SH3D19: variants seen among roughly 807,000 people sequenced by gnomAD.
SH3D19 encodes SH3 domain containing 19.
SH3D19 carries 58 observed loss-of-function variants against 112.1 expected under a neutral mutation model. The observed-to-expected ratio is 0.52, with a 90% CI of 0.42 to 0.64. The LOEUF (loss-of-function observed/expected upper bound fraction) is 0.64, where lower values mean the gene tolerates loss of function less well. SH3D19 is among the 30% of genes least tolerant of loss of function. The pLI is 0.00. For missense variants in SH3D19, 1,090 were observed against 1,263.4 expected (o/e 0.86, Z 2.08); for synonymous variants, 391 against 448.5 (o/e 0.87, Z 1.62).
intron 1 of SH3D19, among the ~76,000 whole-genome samples, chr4:151,316,859 T>C (rs533407981): frequency 2.8e-4 from 42 of 152,318 alleles, no homozygotes; most frequent in African/African-American, 9.4e-4. Flanking sequence ...CTTCCTGCCC[T>C]GTGTCAAGCT....
chr4:151,147,521 G>A (rs1006472365), intron 11 of SH3D19, among the ~76,000 whole-genome samples: 2 of 152,188 alleles, frequency 1.3e-5, no homozygotes, highest in African/African-American at 4.8e-5. Flanking sequence ...GAGTGCAGTG[G>A]TGCAATCTTG....
At chr4:151,169,304 C>A (rs1289557366) in intron 7 of SH3D19, among the ~76,000 whole-genome samples, 1 of 152,048 alleles carries the variant, frequency 6.6e-6, no homozygotes, top group Non-Finnish European at 1.5e-5. Context: ...AAAAAAAATT[C>A]TTTCTCCATG....
chr4:151,285,840 C>T (rs983476241), intron 1 of SH3D19, among the ~76,000 whole-genome samples: 4 of 151,744 alleles, frequency 2.6e-5, no homozygotes, highest in Admixed American at 6.6e-5. Flanking sequence ...GCACTCCAGC[C>T]AGGACAACAG....
chr4:151,129,828 A>G (rs570796885), intron 17 of SH3D19, among the ~76,000 whole-genome samples: 1 of 152,374 alleles, frequency 6.6e-6, no homozygotes, highest in Admixed American at 6.5e-5. Context: ...TCTAACATTT[A>G]GCCCAGTGCC....
At chr4:151,153,608 A>G (rs6844546) in intron 9 of SH3D19, among the ~76,000 whole-genome samples, 2 of 150,958 alleles carry the variant, frequency 1.3e-5, no homozygotes, top group African/African-American at 4.9e-5. Context: ...AATTTTTTTT[A>G]AAAAAAAAGG....
intron 2 of SH3D19, among the ~76,000 whole-genome samples, chr4:151,202,016 A>G (rs1580132031): frequency 6.6e-6 from 1 of 150,728 alleles, no homozygotes; most frequent in African/African-American, 2.4e-5. Flanking sequence ...CCATCTCAAA[A>G]AAAAAAAAAA....
At chr4:151,240,220 G>T (rs1377254905) in intron 1 of SH3D19, among the ~76,000 whole-genome samples, 1 of 149,654 alleles carries the variant, frequency 6.7e-6, no homozygotes, top group Non-Finnish European at 1.5e-5. Flanking sequence ...GCTTGGGTAA[G>T]ATGGCGAGAT....
At chr4:151,277,776 C>T (rs775121395) in intron 1 of SH3D19, among the ~76,000 whole-genome samples, 14 of 152,314 alleles carry the variant, frequency 9.2e-5, no homozygotes, top group Non-Finnish European at 1.5e-4. Flanking sequence ...CACAGCAGCT[C>T]ACGCCTGTAA....
chr4:151,158,695 T>TAAAAAAAAAAAAAAAAAAAAA (rs56869562), intron 9 of SH3D19, among the ~76,000 whole-genome samples: 1 of 147,846 alleles, frequency 6.8e-6, no homozygotes, highest in Non-Finnish European at 1.5e-5. Flanking sequence ...AAAAAAAAAA[T>TAAAAAAAAAAAAAAAAAAAAA]AAATAAAAGT....
At chr4:151,125,154 T>C (rs1309695903) in intron 19 of SH3D19, among the ~76,000 whole-genome samples, 2 of 152,200 alleles carry the variant, frequency 1.3e-5, no homozygotes, top group East Asian at 1.9e-4. Context: ...TAATTTTGCA[T>C]AGCTTACAGC....
chr4:151,311,092 CTT>C (rs1309927555), intron 1 of SH3D19, among the ~76,000 whole-genome samples: 1 of 147,344 alleles, frequency 6.8e-6, no homozygotes. Context: ...GCAGATATCT[CTT>C]TGAGATAGGG....
chr4:151,200,390 G>C, intron 2 of SH3D19, among the ~76,000 whole-genome samples: 1 of 152,170 alleles, frequency 6.6e-6, no homozygotes. Context: ...CAAGCCAGTT[G>C]TTAAATATAA....
chr4:151,285,022 G>T (rs1774611848), intron 1 of SH3D19, among the ~76,000 whole-genome samples: 1 of 152,220 alleles, frequency 6.6e-6, no homozygotes, highest in South Asian at 2.1e-4. Context: ...CCTCAAGTCA[G>T]TAAGACTGTG....
intron 9 of SH3D19, 90 bp from the exon 10 acceptor site, chr4:151,149,651 T>C: frequency 8.8e-7 from 1 of 1,142,262 alleles, no homozygotes; most frequent in Non-Finnish European, 1.3e-6. Context: ...TGGCTGGATC[T>C]ACAAGTAGAA....
chr4:151,175,437 A>G lies in SH3D19; in HGVS notation c.767T>C (p.Val256Ala). 2 of 1,521,284 alleles carry G rather than the reference A, an allele frequency of 1.3e-6. No individual in the cohort carries two copies. Among genetic ancestry groups the G allele is most frequent in the South Asian group, 1.4e-5 (1 of 73,986 alleles). The allele number at this position is 1,521,284 out of a possible 1,614,324, so 94.2% of individuals were successfully genotyped here. The change falls in exon 7 of 20, where the codon GTA becomes GCA. Residue 256 changes from valine to alanine, a missense_variant. By Grantham distance (64) the Val-to-Ala change is moderately conservative (BLOSUM62 0). Transcript: ENST00000604030. ...CCGGCCTGGGGATGACTCCTCTCCT[A>G]CGGCTGCTGGGCTGATTTTCTGTTG... ...QSQQKISPAAVGEESSPGRPQ... is the reference protein window; with the variant it reads ...QSQQKISPAAAGEESSPGRPQ...
chr4:151,226,378 C>T (rs1769002834), intron 1 of SH3D19: 1 of 1,066,312 alleles, frequency 9.4e-7, no homozygotes, highest in African/African-American at 1.7e-5. Flanking sequence ...ACTTTGCTAA[C>T]ACTAGAAGAG....
At chr4:151,125,487 A>AAAAC (rs1749020540) in intron 19 of SH3D19, among the ~76,000 whole-genome samples, 1 of 59,360 alleles carries the variant, frequency 1.7e-5, no homozygotes. Context: ...AAAACAAAAC[A>AAAAC]AAACCAAAAA....
At chr4:151,205,539 T>C (rs1209312015) in intron 2 of SH3D19, among the ~76,000 whole-genome samples, 3 of 152,186 alleles carry the variant, frequency 2.0e-5, no homozygotes, top group Non-Finnish European at 2.9e-5. Flanking sequence ...CACATGTCAG[T>C]TTCCTTATCT....
intron 2 of SH3D19, among the ~76,000 whole-genome samples, chr4:151,222,383 GT>G (rs887324989): frequency 2.0e-4 from 31 of 152,016 alleles, no homozygotes; most frequent in Admixed American, 1.6e-3. Context: ...CTCATCCTGG[GT>G]TTTTTCCCCC....
Sources: gnomAD v4.1 joint callset for allele counts (sites outside exome capture counted in the v4.1 genomes callset) on GRCh38, gnomAD v4.1.1 for gene constraint, MANE v1.5 for transcripts, NCBI Gene and HGNC (gene_info 2026-07-23, HGNC 2026-07-21) for gene names.